Variants in AGA observed in about 807,000 individuals in gnomAD.
AGA encodes the protein aspartylglucosaminidase.
AGA carries 31 observed loss-of-function variants against 40.1 expected under a neutral mutation model. The ratio of observed to expected loss-of-function variants is 0.77; its 90% CI spans 0.58 to 1.04. AGA has a LOEUF of 1.04. AGA is among the 50% of genes least tolerant of loss of function. The pLI is 0.00. For missense variants in AGA, 445 were observed against 435.4 expected, an observed-to-expected ratio of 1.02 and a Z score of -0.20; for synonymous variants, 148 against 144.0, an observed-to-expected ratio of 1.03 and a Z score of -0.20.
intron 7 of AGA, 91 bp from the exon 8 acceptor site, chr4:177,433,438 A>G: frequency 6.8e-7 from 1 of 1,479,860 alleles, no homozygotes; most frequent in South Asian, 1.1e-5. Flanking sequence ...AACCACCAAA[A>G]TTGCCACATG....
At chr4:177,439,252 G>A (rs1428770245) in intron 3 of AGA, among the ~76,000 whole-genome samples, 2 of 152,036 alleles carry the variant, frequency 1.3e-5, no homozygotes, top group African/African-American at 2.4e-5. Context: ...ATGGTGGCAC[G>A]TGCCTGTAAT....
Position 177,442,162 on chromosome 4 carries a change from T to A in AGA, c.127+87A>T, listed in dbSNP as rs922759112. On this transcript the variant is annotated intron_variant, in intron 1 of 8. Coordinates refer to ENST00000264595, the MANE Select transcript of AGA (RefSeq NM_000027.4). ...CAGCCCGGCGCTCTTCCGTCCGCCC[T>A]GCCGGGTGACTGCAGCGGGGCGGGC... The A allele has an allele frequency of 7.5e-5, 119 of 1,577,520 alleles. 1 individual carries two copies. Among genetic ancestry groups the A allele is most frequent in the South Asian group, 3.7e-4 (33 of 88,362 alleles).
rs1736616525 is a variant in AGA, at chr4:177,431,100, A to G, written c.*608T>C. ...AGAACTTTCACACACTGAGAGCTCC[A>G]TAAGAGGAAAAAAGCAAAGAAAATC... On this transcript the variant is annotated 3_prime_UTR_variant, in exon 9 of 9. Transcript: ENST00000264595. 5 of 450,282 alleles carry G rather than the reference A, an allele frequency of 1.1e-5. No homozygotes were observed. Among genetic ancestry groups the G allele is most frequent in the Non-Finnish European group, 1.8e-5 (4 of 225,234 alleles). The allele number at this position is 450,282 out of a possible 1,614,324, so 27.9% of individuals were successfully genotyped here. A position where few individuals can be genotyped will look rare whatever the true frequency, so the allele number is the denominator to read the frequency against.
At position 177,436,355 on chromosome 4, in the gene AGA, G is replaced by C. The variant is rs888352005; in HGVS notation, c.623-4C>G. ...GTCTTATGGATTACAACCATGCCTA[G>C]AAGTTAAAAAAAAAAAATCACTGTA... is the stretch of plus-strand genomic sequence containing the variant. On this transcript the variant is annotated splice_polypyrimidine_tract_variant and splice_region_variant and intron_variant, in intron 5 of 8. Transcript: ENST00000264595. 2 of 1,607,208 alleles carry C rather than the reference G, an allele frequency of 1.2e-6. No homozygotes were observed. The highest frequency in any genetic ancestry group is 1.7e-4 in the Middle Eastern group (1 of 6,060).
At chr4:177,431,930 G>A in intron 8 of AGA, 122 bp from the exon 9 acceptor site, 1 of 798,082 alleles carries the variant, frequency 1.3e-6, no homozygotes, top group Non-Finnish European at 2.1e-6. Context: ...AAGCCACATG[G>A]AAATACACTA....
intron 8 of AGA, among the ~76,000 whole-genome samples, chr4:177,432,369 A>AT (rs1423480564): frequency 1.3e-5 from 2 of 152,048 alleles, no homozygotes; most frequent in Non-Finnish European, 2.9e-5. Context: ...TATAATTATC[A>AT]TTTTTTTCAT....
intron 6 of AGA, 151 bp downstream of exon 6, chr4:177,436,125 G>C: frequency 1.4e-6 from 1 of 710,788 alleles, no homozygotes; most frequent in South Asian, 1.6e-5. Flanking sequence ...CCTCTCCTGT[G>C]GCACTCAGCA....
chr4:177,436,456 G>A lies in AGA; in HGVS notation c.623-105C>T, dbSNP rs1736823657. The A allele has an allele frequency of 1.1e-5, 10 of 946,104 alleles. No individual in the cohort carries two copies. The South Asian group carries it at 1.2e-4, about 11-fold the overall frequency. The allele number at this position is 946,104 out of a possible 1,614,324, so 58.6% of individuals were successfully genotyped here. ...TAACTGCTGTGCTCTGAATGTTTGT[G>A]TTCCCCCAAATTCATGTCAACATCC... On this transcript the variant is annotated intron_variant, in intron 5 of 8. Coordinates refer to ENST00000264595, the MANE Select transcript of AGA (RefSeq NM_000027.4).
intron 8 of AGA, 89 bp from the exon 9 acceptor site, chr4:177,431,897 T>C (rs1736647230): frequency 1.9e-6 from 2 of 1,029,260 alleles, no homozygotes; most frequent in Middle Eastern, 2.6e-4. Context: ...GACTAGACAC[T>C]GGCTACTGTA....
intron 8 of AGA, among the ~76,000 whole-genome samples, chr4:177,432,013 G>C (rs1458413972): frequency 1.3e-5 from 2 of 152,164 alleles, no homozygotes; most frequent in Admixed American, 1.3e-4. Context: ...CTATCTCTTT[G>C]AACTTCAGAA....
chr4:177,436,132 A>G, intron 6 of AGA, 144 bp downstream of exon 6: 5 of 731,432 alleles, frequency 6.8e-6, no homozygotes, highest in Non-Finnish European at 9.6e-6. Context: ...TGTGGCACTC[A>G]GCAGAGAGTA....
chr4:177,439,262 T>C (rs1736917228), intron 3 of AGA, among the ~76,000 whole-genome samples: 1 of 152,040 alleles, frequency 6.6e-6, no homozygotes, highest in Admixed American at 6.6e-5. Context: ...GTGCCTGTAA[T>C]CCCAGCTACT....
At chr4:177,439,472 G>A (rs370022099) in intron 3 of AGA, 104 bp downstream of exon 3, 17 of 879,274 alleles carry the variant, frequency 1.9e-5, no homozygotes, top group East Asian at 1.7e-4. Flanking sequence ...TAAAACAGCT[G>A]GAATTTGAAC....
In AGA at chr4:177,431,644, T is replaced by G. The variant is rs1736638201; in HGVS notation, c.*64A>C. On this transcript the variant is annotated 3_prime_UTR_variant, in exon 9 of 9. Coordinates refer to ENST00000264595, the MANE Select transcript of AGA (RefSeq NM_000027.4). ...CATGAGGAACACTAGATGATGAGAG[T>G]GAGCAGCCTTTTCAGCCTTTGTTTC... The G allele has an allele frequency of 3.7e-6, 5 of 1,337,272 alleles. No individual in the cohort carries two copies. Among genetic ancestry groups the G allele is most frequent in the Non-Finnish European group, 4.3e-6 (4 of 935,946 alleles). 82.8% of individuals were successfully genotyped at this position (1,337,272 alleles called of 1,614,324 possible).
intron 3 of AGA, among the ~76,000 whole-genome samples, chr4:177,439,231 A>C (rs1736916439): frequency 6.6e-6 from 1 of 152,122 alleles, no homozygotes; most frequent in Admixed American, 6.6e-5. Context: ...AAATATAAAA[A>C]TTAGCTGGGC....
intron 6 of AGA, among the ~76,000 whole-genome samples, chr4:177,434,718 T>C (rs1736752314): frequency 6.6e-6 from 1 of 152,058 alleles, no homozygotes; most frequent in Admixed American, 6.6e-5. Flanking sequence ...GTACAACAGC[T>C]GAACTCACAG....
intron 2 of AGA, 94 bp from the exon 3 acceptor site, chr4:177,439,782 G>A: frequency 1.1e-6 from 1 of 933,952 alleles, no homozygotes; most frequent in African/African-American, 1.6e-5. Flanking sequence ...GTGTTTTGCG[G>A]TTAAACTCCA....
At chr4:177,441,538 G>A (rs1202908742) in intron 1 of AGA, among the ~76,000 whole-genome samples, 2 of 152,150 alleles carry the variant, frequency 1.3e-5, no homozygotes, top group African/African-American at 2.4e-5. Context: ...TTCTGGACAC[G>A]AGGGCAGTTA....
rs760478720 is a variant in AGA at position 177,431,741 on chromosome 4, A to AT, written c.1007dup (p.Asn336LysfsTer5). On this transcript the variant is annotated frameshift_variant, in exon 9 of 9. Coordinates refer to ENST00000264595, the MANE Select transcript of AGA (RefSeq NM_000027.4). LOFTEE classifies it high-confidence loss of function. ...AGTCCACTTTTTCCTCAGTTGGCTGATTTTTTTCGGAATTATAAACCATGA... is the reference window on the plus strand; with the variant it reads ...AGTCCACTTTTTCCTCAGTTGGCTGATTTTTTTTCGGAATTATAAACCATGA... 7 of 1,613,786 alleles carry AT rather than the reference A, an allele frequency of 4.3e-6. No individual in the cohort carries two copies. Among genetic ancestry groups the AT allele is most frequent in the African/African-American group, 1.3e-5 (1 of 75,028 alleles).
Sources: gnomAD v4.1 joint callset for allele counts (sites outside exome capture counted in the v4.1 genomes callset) on GRCh38, gnomAD v4.1.1 for gene constraint, MANE v1.5 for transcripts, NCBI Gene and HGNC (gene_info 2026-07-23, HGNC 2026-07-21) for gene names.